MROH1: variants seen among roughly 807,000 people sequenced by gnomAD.
The protein encoded by MROH1 is maestro heat like repeat family member 1.
In MROH1, 117 loss-of-function variants were observed where a neutral mutation model predicts 116.5. That is an observed-to-expected ratio of 1.00 (90% CI 0.86 to 1.17). The LOEUF is 1.17. MROH1 is among the 50% of genes most tolerant of loss of function. MROH1 has a pLI of 0.00. For synonymous variants in MROH1, 921 were observed against 583.9 expected, an observed-to-expected ratio of 1.58 and a Z score of -8.32; for missense variants, 1,873 against 1,338.5, an observed-to-expected ratio of 1.40 and a Z score of -6.23.
intron 35 of MROH1, among the ~76,000 whole-genome samples, chr8:144,257,424 T>C (rs1185359198): frequency 6.6e-6 from 1 of 152,066 alleles, no homozygotes; most frequent in Non-Finnish European, 1.5e-5. Flanking sequence ...CTTCCTGGGC[T>C]GCCGAGACCC....
At chr8:144,184,507 G>A (rs1826457653) in intron 7 of MROH1, among the ~76,000 whole-genome samples, 1 of 152,250 alleles carries the variant, frequency 6.6e-6, no homozygotes, top group Non-Finnish European at 1.5e-5. Context: ...AGAGGCGAAA[G>A]GGAGAAAGGA....
chr8:144,192,140 T>C (rs1391893696), intron 9 of MROH1, among the ~76,000 whole-genome samples, 169 bp from the exon 10 acceptor site: 1 of 152,158 alleles, frequency 6.6e-6, no homozygotes, highest in Non-Finnish European at 1.5e-5. Flanking sequence ...CCTCCCTGGC[T>C]CTGAGTTCTA....
At chr8:144,223,843 C>A (rs1837293571) in intron 14 of MROH1, among the ~76,000 whole-genome samples, 2 of 152,216 alleles carry the variant, frequency 1.3e-5, no homozygotes, top group African/African-American at 4.8e-5. Context: ...CCAAGGCCAG[C>A]TCAGAACAGA....
rs1422092759 is a variant in MROH1 at position 144,225,912 on chromosome 8, T to TTG, written c.1338+2683_1338+2684insGT. Among the ~76,000 whole-genome samples the TTG allele has an allele frequency of 2.1e-3, 260 of 122,096 alleles. 2 individuals are homozygous for TTG. Among genetic ancestry groups the TTG allele is most frequent in the African/African-American group, 0.012 (253 of 21,702 alleles). The allele number at this position is 122,096 out of a possible 152,430, so 80.1% of individuals were successfully genotyped here. A position where few individuals can be genotyped will look rare whatever the true frequency, so the allele number is the denominator to read the frequency against. ...TATAGGCCTATGATTCATTTTTAGT[T>TTG]TTTTTTTTTTTTTTTTTTTTTAGGT... is the stretch of plus-strand genomic sequence containing the variant. On this transcript the variant is annotated intron_variant, in intron 14 of 43. Coordinates refer to ENST00000326134, the MANE Select transcript of MROH1 (RefSeq NM_032450.3).
rs1431380478 is a variant in MROH1 at position 144,199,292 on chromosome 8, A to G, written c.1027+92A>G. The G allele has an allele frequency of 3.7e-6, 5 of 1,367,874 alleles. No homozygotes were observed. The Admixed American group carries it at 9.8e-5, about 27-fold the overall frequency. 84.7% of individuals were successfully genotyped at this position (1,367,874 alleles called of 1,614,324 possible). On this transcript the variant is annotated intron_variant, in intron 11 of 43. Transcript: ENST00000326134. ...TGTGGAGGATGGTGGTGGCTGGGGT[A>G]CTGGTCGGGGATGAGGAGGCCCCTG... is the stretch of plus-strand genomic sequence containing the variant.
At chr8:144,257,499 C>T (rs979286850) in intron 35 of MROH1, among the ~76,000 whole-genome samples, 115 of 152,212 alleles carry the variant, frequency 7.6e-4, no homozygotes, top group Non-Finnish European at 2.5e-4. Context: ...GCCGGCATCA[C>T]CAGCCCTGTG....
In MROH1 at chr8:144,255,665, G is replaced by A. The variant is rs1291898488; in HGVS notation, c.3751G>A (p.Ala1251Thr). The change falls in exon 35 of 44, where the codon GCC becomes ACC. Residue 1251 changes from alanine to threonine, a missense_variant. Physicochemically the swap from Ala to Thr is moderately conservative, Grantham distance 58. Coordinates refer to ENST00000326134, the MANE Select transcript of MROH1 (RefSeq NM_032450.3). ...RNLQAQERRG[A>T]SPALATRNLE... ...CCTGCAGGCCCAGGAAAGGAGGGGT[G>A]CCAGTCCAGCCCTAGCCACCAGGAA... 3.9e-6 allele frequency: 3 copies of A among 766,886 alleles called. No individual in the cohort carries two copies. Among genetic ancestry groups the A allele is most frequent in the South Asian group, 2.8e-5 (2 of 72,140 alleles). 47.5% of individuals were successfully genotyped at this position (766,886 alleles called of 1,614,324 possible). A position where few individuals can be genotyped will look rare whatever the true frequency, so the allele number is the denominator to read the frequency against.
chr8:144,173,323 G>A (rs1307852550), intron 4 of MROH1, among the ~76,000 whole-genome samples: 2 of 151,788 alleles, frequency 1.3e-5, no homozygotes, highest in Non-Finnish European at 2.9e-5. Context: ...GGCCAGGTTG[G>A]TCATGAACTC....
At chr8:144,190,619 C>G (rs1039205094) in intron 7 of MROH1, among the ~76,000 whole-genome samples, 165 bp from the exon 8 acceptor site, 1 of 152,200 alleles carries the variant, frequency 6.6e-6, no homozygotes, top group Non-Finnish European at 1.5e-5. Context: ...TTTGGAGGGA[C>G]ACTTTTCATC....
At chr8:144,184,880 G>A (rs903562362) in intron 7 of MROH1, among the ~76,000 whole-genome samples, 2 of 152,232 alleles carry the variant, frequency 1.3e-5, no homozygotes, top group Admixed American at 1.3e-4. Context: ...GTTCCCTGGA[G>A]CCCTGTCACC....
rs900262981 is a variant in MROH1, at chr8:144,260,728, A to G, written c.4432A>G (p.Lys1478Glu). 83 of 779,518 alleles carry G rather than the reference A, an allele frequency of 1.1e-4. No individual in the cohort carries two copies. Among genetic ancestry groups the G allele is most frequent in the Non-Finnish European group, 1.7e-4 (73 of 417,792 alleles). The allele number at this position is 779,518 out of a possible 1,614,324, so 48.3% of individuals were successfully genotyped here. Residue 1478 changes from lysine to glutamate, a missense_variant, in exon 40 of 44, where the codon AAG becomes GAG. Transcript: ENST00000326134. ...ASIRLFGHLN[K>E]VCHGDCEDVF... ...TATCCGCCTCTTTGGGCACCTTAAC[A>G]AGGTCTGCCACGGAGACTGTGAGGA...
Position 144,255,603 on chromosome 8 carries a change from G to A in MROH1, c.3689G>A (p.Arg1230His), listed in dbSNP as rs1028595377. ...CAGCTGTTTGTGGTGCTTCTGCTGC[G>A]CGTCAGCTGCACCGTGGGTGTCCAG... The part of the protein sequence containing the change: ...YPQLFVVLLL[R>H]VSCTVGVQLP... The change falls in exon 35 of 44, where the codon CGC becomes CAC. Residue 1230 changes from arginine to histidine, a missense_variant. Coordinates refer to ENST00000326134, the MANE Select transcript of MROH1 (RefSeq NM_032450.3). 51 of 778,516 alleles carry A rather than the reference G, an allele frequency of 6.6e-5. No homozygotes were observed. Among genetic ancestry groups the A allele is most frequent in the South Asian group, 9.4e-5 (7 of 74,384 alleles). The allele number at this position is 778,516 out of a possible 1,614,324, so 48.2% of individuals were successfully genotyped here. A position where few individuals can be genotyped will look rare whatever the true frequency, so the allele number is the denominator to read the frequency against.
intron 12 of MROH1, among the ~76,000 whole-genome samples, chr8:144,215,528 G>T (rs1490148216): frequency 2.0e-5 from 3 of 152,170 alleles, no homozygotes; most frequent in African/African-American, 7.2e-5. Flanking sequence ...CCTCCCTAGA[G>T]GACCACTTCC....
chr8:144,257,518 C>G (rs956789187), intron 35 of MROH1, among the ~76,000 whole-genome samples: 2 of 152,226 alleles, frequency 1.3e-5, no homozygotes, highest in African/African-American at 4.8e-5. Flanking sequence ...TGTACCCAAC[C>G]GTCCAGAAGC....
Position 144,254,930 on chromosome 8 carries a change from C to T in MROH1, c.3546C>T (p.Phe1182=). 1.3e-6 allele frequency: 1 copy of T among 776,028 alleles called. No individual in the cohort carries two copies. Among genetic ancestry groups the T allele is most frequent in the South Asian group, 1.3e-5 (1 of 74,092 alleles). 48.1% of individuals were successfully genotyped at this position (776,028 alleles called of 1,614,324 possible). The change falls in exon 34 of 44, where the codon TTC becomes TTT. Residue 1182 remains phenylalanine, a synonymous_variant. Coordinates refer to ENST00000326134, the MANE Select transcript of MROH1 (RefSeq NM_032450.3). ...TCCCTTTCAAGGAGAGCCGGGCCTT[C>T]CTGCTGGGCCGCACCCCAGACCGCG... ...RDVPFKESRA[F]LLGRTPDRVA...
chr8:144,165,898 G>A (rs909956632), intron 3 of MROH1, among the ~76,000 whole-genome samples: 3 of 151,586 alleles, frequency 2.0e-5, no homozygotes, highest in African/African-American at 7.3e-5. Flanking sequence ...TTTCCCCATC[G>A]AGATGGAGTC....
Position 144,261,315 on chromosome 8 carries a change from G to A in MROH1, c.4806G>A (p.Gln1602=). 9 of 721,462 alleles carry A rather than the reference G, an allele frequency of 1.2e-5. No homozygotes were observed. Among genetic ancestry groups the A allele is most frequent in the South Asian group, 1.2e-4 (8 of 68,950 alleles). 44.7% of individuals were successfully genotyped at this position (721,462 alleles called of 1,614,324 possible). A position where few individuals can be genotyped will look rare whatever the true frequency, so the allele number is the denominator to read the frequency against. ...GFLVLHSEPR[Q]QPQVDLDQLI... Reference sequence around the variant, plus strand: ...TGGTGCTGCACTCGGAGCCCAGGCAGCAGCCGCAGGTGGACCTGGACCAGC... The same window carrying A: ...TGGTGCTGCACTCGGAGCCCAGGCAACAGCCGCAGGTGGACCTGGACCAGC... Residue 1602 remains glutamine (Q), a synonymous_variant, in exon 43 of 44, where the codon CAG becomes CAA. Coordinates refer to ENST00000326134, the MANE Select transcript of MROH1 (RefSeq NM_032450.3).
At chr8:144,162,762 G>A (rs1055631532) in intron 2 of MROH1, among the ~76,000 whole-genome samples, 58 of 149,578 alleles carry the variant, frequency 3.9e-4, no homozygotes, top group Admixed American at 3.1e-3. Context: ...TCACTCTGTC[G>A]CTCAGGCTGC....
intron 14 of MROH1, among the ~76,000 whole-genome samples, chr8:144,230,270 G>A (rs934865829): frequency 6.6e-6 from 1 of 152,184 alleles, no homozygotes; most frequent in East Asian, 1.9e-4. Context: ...TTCGGCTTAA[G>A]GGAATGTTTG....
Sources: allele counts gnomAD v4.1 joint callset (sites outside exome capture counted in the v4.1 genomes callset), GRCh38; gene constraint gnomAD v4.1.1; transcripts MANE v1.5; gene names NCBI Gene and HGNC (gene_info 2026-07-23, HGNC 2026-07-21).